Variants in ACAN observed in about 807,000 individuals in gnomAD.
ACAN encodes the protein aggrecan, also known as aggrecan core protein.
In ACAN, 47 loss-of-function variants were observed where a neutral mutation model predicts 169.1. The ratio of observed to expected loss-of-function variants is 0.28; its 90% CI spans 0.22 to 0.35. The LOEUF is 0.35. Ranked by LOEUF, ACAN falls within the 10% of genes least tolerant of loss-of-function variation. The pLI, the probability that ACAN is intolerant of heterozygous loss-of-function variation, is 1.00. For missense variants in ACAN, 2,716 were observed against 2,759.9 expected, an observed-to-expected ratio of 0.98 and a Z score of 0.36; for synonymous variants, 1,115 against 1,112.2, an observed-to-expected ratio of 1.00 and a Z score of -0.05.
chr15:88,821,448 G>T (rs1427498987), intron 1 of ACAN, among the ~76,000 whole-genome samples: 2 of 152,186 alleles, frequency 1.3e-5, no homozygotes, highest in Non-Finnish European at 2.9e-5. Flanking sequence ...AATATTGTAG[G>T]ATTTATTCCC....
In ACAN at chr15:88,843,392, C is replaced by G. The variant is rs750954036; in HGVS notation, c.795C>G (p.Thr265=). ...VFYATSPEKF[T]FQEAANECRR... ...ATGCAACATCTCCAGAGAAGTTCAC[C>G]TTCCAGGAAGCAGCCAATGAGTGCC... Residue 265 remains threonine, a synonymous_variant, in exon 6 of 19, where the codon ACC becomes ACG. Coordinates refer to ENST00000560601, the MANE Select transcript of ACAN (RefSeq NM_001369268.1). The surrounding 1 kb of genome is among the most constrained non-coding windows in gnomAD (Gnocchi z 4.0). 1 of 1,597,762 alleles carries G rather than the reference C, an allele frequency of 6.3e-7. No individual in the cohort carries two copies. Among genetic ancestry groups the G allele is most frequent in the East Asian group, 2.3e-5 (1 of 44,400 alleles).
intron 1 of ACAN, among the ~76,000 whole-genome samples, chr15:88,829,740 G>A (rs570704397): frequency 6.6e-6 from 1 of 152,290 alleles, no homozygotes; most frequent in Non-Finnish European, 1.5e-5. Context: ...CCTGGTCGCA[G>A]GCAAATCTTA....
chr15:88,839,924 A>C lies in ACAN; in HGVS notation c.455-88A>C. Reference sequence around the variant, plus strand: ...CAGCCAGTTCCCTAAGGTCCCTTTGACTATTGCCATAATTCTGCGAGGGCC... The same window carrying C: ...CAGCCAGTTCCCTAAGGTCCCTTTGCCTATTGCCATAATTCTGCGAGGGCC... On this transcript the variant is annotated intron_variant, in intron 3 of 18. Transcript: ENST00000560601. This position sits in a 1 kb window ranked among gnomAD's most constrained non-coding sequence, Gnocchi z 4.5. 6.8e-7 allele frequency: 1 copy of C among 1,477,958 alleles called. No homozygotes were observed. Among genetic ancestry groups the C allele is most frequent in the East Asian group, 2.5e-5 (1 of 40,362 alleles). 91.6% of individuals were successfully genotyped at this position (1,477,958 alleles called of 1,614,324 possible).
Position 88,839,128 on chromosome 15 carries a change from C to T in ACAN, c.454+82C>T, listed in dbSNP as rs1896585140. On this transcript the variant is annotated intron_variant, in intron 3 of 18. Coordinates refer to ENST00000560601, the MANE Select transcript of ACAN (RefSeq NM_001369268.1). This position sits in a 1 kb window ranked among gnomAD's most constrained non-coding sequence, Gnocchi z 4.5. Reference sequence around the variant, plus strand: ...TCTCCGCAGTGCAGGCGCAGGCAGGCTGGCCTTCAAACCAGCTCCTCCACG... The same window carrying T: ...TCTCCGCAGTGCAGGCGCAGGCAGGTTGGCCTTCAAACCAGCTCCTCCACG... 5.8e-6 allele frequency: 9 copies of T among 1,539,540 alleles called. No homozygotes were observed. In the South Asian group the frequency reaches 9.9e-5, roughly 17 times the overall value.
intron 1 of ACAN, among the ~76,000 whole-genome samples, chr15:88,827,969 A>T (rs1469017752): frequency 6.6e-6 from 1 of 151,962 alleles, no homozygotes; most frequent in Non-Finnish European, 1.5e-5. Flanking sequence ...CACCCTGGCC[A>T]TCGCACCCAC....
At chr15:88,837,703 G>C (rs932852877) in intron 2 of ACAN, among the ~76,000 whole-genome samples, 21 of 152,158 alleles carry the variant, frequency 1.4e-4, no homozygotes, top group African/African-American at 4.8e-4. Flanking sequence ...CCTGTGGAAG[G>C]GGCCAGTGGG....
At chr15:88,808,405 C>T (rs1895738945) in intron 1 of ACAN, among the ~76,000 whole-genome samples, 1 of 152,228 alleles carries the variant, frequency 6.6e-6, no homozygotes, top group Admixed American at 6.5e-5. Flanking sequence ...ACATGCCAGG[C>T]ACTGTGCTAG....
At chr15:88,846,065 C>G (rs1381247341) in intron 7 of ACAN, among the ~76,000 whole-genome samples, 183 bp downstream of exon 7, 2 of 152,188 alleles carry the variant, frequency 1.3e-5, no homozygotes, top group Non-Finnish European at 2.9e-5. Flanking sequence ...CTAGTCAGGT[C>G]CACACTCTTG....
chr15:88,840,041 A>G lies in ACAN; in HGVS notation c.484A>G (p.Thr162Ala). The G allele has an allele frequency of 2.5e-6, 4 of 1,602,334 alleles. No homozygotes were observed. Among genetic ancestry groups the G allele is most frequent in the Non-Finnish European group, 3.4e-6 (4 of 1,174,098 alleles). ...CGTGTTCCATTACAGAGCCATCTCT[A>G]CACGCTACACCCTCGACTTTGACAG... ...GIVFHYRAISTRYTLDFDRAQ... is the reference protein window; with the variant it reads ...GIVFHYRAISARYTLDFDRAQ... The change falls in exon 4 of 19, where the codon ACA becomes GCA. Residue 162 changes from threonine to alanine, a missense_variant. Physicochemically the swap from Thr to Ala is moderately conservative, Grantham distance 58. Transcript: ENST00000560601.
At chr15:88,859,541 A>C (rs1239751851) in intron 12 of ACAN, 124 bp downstream of exon 12, 4 of 1,322,524 alleles carry the variant, frequency 3.0e-6, no homozygotes, top group Non-Finnish European at 4.2e-6. Context: ...TTAGCTGTGC[A>C]GCCTCAGGCA....
chr15:88,869,795 C>T lies in ACAN; in HGVS notation c.7060+1466C>T, dbSNP rs1287073120. ...CTCTCCCATTCCAATCCTGAGTCCT[C>T]ACCACTCCACGGTGCCTCCTGCCTT... On this transcript the variant is annotated intron_variant, in intron 14 of 18. Transcript: ENST00000560601. This position sits in a 1 kb window ranked among gnomAD's most constrained non-coding sequence, Gnocchi z 4.2. Among the ~76,000 whole-genome samples the T allele has an allele frequency of 1.3e-5, 2 of 152,184 alleles. No homozygotes were observed. The highest frequency in any genetic ancestry group is 2.4e-5 in the African/African-American group (1 of 41,438).
chr15:88,870,333 T>C lies in ACAN; in HGVS notation c.7061-1049T>C, dbSNP rs1897351562. Among the ~76,000 whole-genome samples, 1 of 152,100 alleles carries C rather than the reference T, an allele frequency of 6.6e-6. No homozygotes were observed. Among genetic ancestry groups the C allele is most frequent in the Admixed American group, 6.6e-5 (1 of 15,266 alleles). ...GAGACCACCATGCAGCCTGAGGGGT[T>C]TGTGACCCTCCACCTGGGAGATCCC... is the stretch of plus-strand genomic sequence containing the variant. On this transcript the variant is annotated intron_variant, in intron 14 of 18. Coordinates refer to ENST00000560601, the MANE Select transcript of ACAN (RefSeq NM_001369268.1). This position sits in a 1 kb window ranked among gnomAD's most constrained non-coding sequence, Gnocchi z 6.3.
rs753321079 is a variant in ACAN, at chr15:88,872,952, C to A, written c.7374C>A (p.Ile2458=). 1 of 1,613,942 alleles carries A rather than the reference C, an allele frequency of 6.2e-7. No homozygotes were observed. Among genetic ancestry groups the A allele is most frequent in the African/African-American group, 1.3e-5 (1 of 75,050 alleles). Residue 2458 remains isoleucine (I), a synonymous_variant, in exon 17 of 19, where the codon ATC becomes ATA. Transcript: ENST00000560601. This position sits in a 1 kb window ranked among gnomAD's most constrained non-coding sequence, Gnocchi z 5.4. ...FAAGEDCVVM[I]WHEKGEWNDV... The stretch of plus-strand genomic sequence containing the variant: ...CTGGAGAGGACTGTGTGGTGATGAT[C>A]TGGCACGAGAAGGGCGAGTGGAATG...
rs781776609 is a variant in ACAN at position 88,814,595 on chromosome 15, C to T, written c.-8+10786C>T. Reference sequence around the variant, plus strand: ...GGTTCTGCTGTACACAGGGCTCCCACAATGCATCACTCCAGAGGGCGCCAT... The same window carrying T: ...GGTTCTGCTGTACACAGGGCTCCCATAATGCATCACTCCAGAGGGCGCCAT... On this transcript the variant is annotated intron_variant, in intron 1 of 18. Coordinates refer to ENST00000560601, the MANE Select transcript of ACAN (RefSeq NM_001369268.1). This position sits in a 1 kb window ranked among gnomAD's most constrained non-coding sequence, Gnocchi z 4.0. Among the ~76,000 whole-genome samples, 1 of 152,186 alleles carries T rather than the reference C, an allele frequency of 6.6e-6. No individual in the cohort carries two copies. Among genetic ancestry groups the T allele is most frequent in the South Asian group, 2.1e-4 (1 of 4,828 alleles).
chr15:88,875,124 G>C lies in ACAN; in HGVS notation c.*643G>C, dbSNP rs536114263. 1.3e-5 allele frequency: 2 copies of C among 156,748 alleles called. No homozygotes were observed. The highest frequency in any genetic ancestry group is 2.8e-5 in the Non-Finnish European group (2 of 70,768). 9.7% of individuals were successfully genotyped at this position (156,748 alleles called of 1,614,324 possible). A position where few individuals can be genotyped will look rare whatever the true frequency, so the allele number is the denominator to read the frequency against. On this transcript the variant is annotated 3_prime_UTR_variant, in exon 19 of 19. Transcript: ENST00000560601. The surrounding 1 kb of genome is among the most constrained non-coding windows in gnomAD (Gnocchi z 4.8). ...GCCTGGGAGTTGGGTTCCCTCCAAG[G>C]GTCCCTCTTTCAGTGTCCTCTCTCT...
rs545469263 is a variant in ACAN at position 88,833,902 on chromosome 15, A to C, written c.-7-2298A>C. 1.4e-4 allele frequency among the ~76,000 whole-genome samples: 22 copies of C among 152,168 alleles called. No individual in the cohort carries two copies. The South Asian group carries it at 4.1e-3, about 29-fold the overall frequency. ...CCGAAAACATACACACAACCTCCCA[A>C]TGAAGGGTGTTCTGAGGGAAGAACA... On this transcript the variant is annotated intron_variant, in intron 1 of 18. Transcript: ENST00000560601.
chr15:88,853,631 C>A (rs577311548), intron 11 of ACAN, among the ~76,000 whole-genome samples: 1 of 151,786 alleles, frequency 6.6e-6, no homozygotes, highest in African/African-American at 2.4e-5. Context: ...GAGCAAGACC[C>A]TCTCTCCAAA....
intron 1 of ACAN, among the ~76,000 whole-genome samples, chr15:88,826,842 A>G (rs1165935429): frequency 6.6e-6 from 1 of 152,146 alleles, no homozygotes; most frequent in African/African-American, 2.4e-5. Context: ...TGTTGACTGA[A>G]TAATGGAATT....
intron 1 of ACAN, among the ~76,000 whole-genome samples, chr15:88,824,885 C>T (rs1390433723): frequency 1.4e-5 from 2 of 146,288 alleles, no homozygotes; most frequent in Admixed American, 1.3e-4. Flanking sequence ...GAGCGAGACT[C>T]TGTCAAAAAA....
Sources: gnomAD v4.1 joint callset for allele counts (sites outside exome capture counted in the v4.1 genomes callset) on GRCh38, gnomAD v4.1.1 for gene constraint, Gnocchi (gnomAD v3.1) non-coding constraint, MANE v1.5 for transcripts, NCBI Gene and HGNC (gene_info 2026-07-23, HGNC 2026-07-21) for gene names.